The following ASB7 variants were observed in gnomAD, a reference collection of about 807,000 sequenced individuals.
The protein encoded by ASB7 is ankyrin repeat and SOCS box protein 7.
Under a neutral mutation model 32.5 loss-of-function variants are expected in ASB7, and 4 were observed. That is an observed-to-expected ratio of 0.12 (90% confidence interval 0.06 to 0.28). The LOEUF is 0.28. Ranked by LOEUF, ASB7 falls within the 10% of genes least tolerant of loss-of-function variation. The probability of loss-of-function intolerance (pLI) is 1.00; values close to 1 mark genes in which losing one functional copy is unlikely to be tolerated. For missense variants in ASB7, 181 were observed against 407.1 expected, an observed-to-expected ratio of 0.44 and a Z score of 4.78; for synonymous variants, 172 against 155.6, an observed-to-expected ratio of 1.11 and a Z score of -0.78.
At chr15:100,634,431 A>C (rs1202886433) in intron 5 of ASB7, among the ~76,000 whole-genome samples, 2 of 152,258 alleles carry the variant, frequency 1.3e-5, no homozygotes, top group East Asian at 1.9e-4. Context: ...CAGAATGCTT[A>C]AGCACAAATT....
intron 3 of ASB7, among the ~76,000 whole-genome samples, chr15:100,611,895 C>T (rs1042012589): frequency 6.7e-6 from 1 of 148,804 alleles, no homozygotes; most frequent in African/African-American, 2.5e-5. Flanking sequence ...TCATGGCTCA[C>T]TGCCGCTTTG....
At chr15:100,631,533 T>G (rs1363223382) in intron 5 of ASB7, among the ~76,000 whole-genome samples, 1 of 152,182 alleles carries the variant, frequency 6.6e-6, no homozygotes, top group East Asian at 1.9e-4. Flanking sequence ...ACTTCTACAT[T>G]AGAGACTTAG....
rs74402653 is a variant in ASB7, at chr15:100,621,713, G to A, written c.212-7724G>A. Among the ~76,000 whole-genome samples the A allele has an allele frequency of 3.0e-3, 459 of 152,038 alleles. 15 individuals are homozygous for A. The East Asian group carries it at 0.078, about 26-fold the overall frequency. ...ACTTCTAGAATCCAGTAATCCCAAA[G>A]TAAAAACAAGAATGAAATAATAAAC... On this transcript the variant is annotated intron_variant, in intron 4 of 5. Transcript: ENST00000332783.
At chr15:100,615,017 G>A (rs1026403534) in intron 4 of ASB7, among the ~76,000 whole-genome samples, 1 of 152,088 alleles carries the variant, frequency 6.6e-6, no homozygotes, top group Non-Finnish European at 1.5e-5. Context: ...CTTTTCTATG[G>A]TTAGGTACAC....
intron 5 of ASB7, among the ~76,000 whole-genome samples, chr15:100,631,495 T>C (rs1264260805): frequency 6.6e-6 from 1 of 152,158 alleles, no homozygotes; most frequent in African/African-American, 2.4e-5. Context: ...AGTGCTGCAG[T>C]CCTGCTTGCC....
At chr15:100,630,135 A>G (rs1415277516) in intron 5 of ASB7, 93 bp downstream of exon 5, 2 of 1,416,832 alleles carry the variant, frequency 1.4e-6, no homozygotes, top group Non-Finnish European at 1.8e-6. Flanking sequence ...ATGACTAGAT[A>G]TTAATCATTC....
At position 100,648,414 on chromosome 15, in the gene ASB7, T is replaced by C; in HGVS notation, c.909T>C (p.Ile303=). 6.2e-7 allele frequency: 1 copy of C among 1,610,140 alleles called. No homozygotes were observed. The highest frequency in any genetic ancestry group is 2.2e-5 in the East Asian group (1 of 44,842). Residue 303 remains isoleucine (I), a synonymous_variant, in exon 6 of 6, where the codon ATT becomes ATC. Transcript: ENST00000332783. Reference sequence around the variant, plus strand: ...TAAAGCTACTTGATGAACTACCAATTGCCAAGGTCATGAAAGACTACTTAA... The same window carrying C: ...TAAAGCTACTTGATGAACTACCAATCGCCAAGGTCATGAAAGACTACTTAA... ...QNLKLLDELP[I]AKVMKDYLKH... is the part of the protein sequence containing the mutation.
intron 5 of ASB7, among the ~76,000 whole-genome samples, chr15:100,642,295 CA>C (rs773318600): frequency 1.3e-5 from 2 of 152,306 alleles, no homozygotes; most frequent in South Asian, 2.1e-4. Flanking sequence ...TGCCCTCTTG[CA>C]TCTTATCATA....
At position 100,642,727 on chromosome 15, in the gene ASB7, C is replaced by T. The variant is rs150335646; in HGVS notation, c.818-5596C>T. Among the ~76,000 whole-genome samples, 916 of 152,356 alleles carry T rather than the reference C, an allele frequency of 6.0e-3. 7 individuals are homozygous for T. Among genetic ancestry groups the T allele is most frequent in the African/African-American group, 0.021 (878 of 41,568 alleles). Reference sequence around the variant, plus strand: ...TTCTGGAGCAATTTGACTGGGGCCTCTCTGCTTTGAAAATGGCTCACTCTT... The same window carrying T: ...TTCTGGAGCAATTTGACTGGGGCCTTTCTGCTTTGAAAATGGCTCACTCTT... On this transcript the variant is annotated intron_variant, in intron 5 of 5. Coordinates refer to ENST00000332783, the MANE Select transcript of ASB7 (RefSeq NM_198243.3).
chr15:100,610,903 C>T (rs962937170), intron 3 of ASB7, among the ~76,000 whole-genome samples: 4 of 152,192 alleles, frequency 2.6e-5, no homozygotes, highest in Non-Finnish European at 5.9e-5. Context: ...GAGTGGCTTT[C>T]TGGAAGCTTG....
chr15:100,645,763 A>C lies in ASB7; in HGVS notation c.818-2560A>C, dbSNP rs150102798. The C allele has an allele frequency of 1.3e-4, 200 of 1,583,374 alleles. 1 individual carries two copies. The African/African-American group carries it at 2.3e-3, about 18-fold the overall frequency. Reference sequence around the variant, plus strand: ...ATGCTAAACATTTACAAAGTGGAGAATAGGAAATACAATTAAACACTTTAT... The same window carrying C: ...ATGCTAAACATTTACAAAGTGGAGACTAGGAAATACAATTAAACACTTTAT... On this transcript the variant is annotated intron_variant, in intron 5 of 5. Transcript: ENST00000332783.
At chr15:100,621,274 A>T (rs1687739734) in intron 4 of ASB7, among the ~76,000 whole-genome samples, 1 of 152,218 alleles carries the variant, frequency 6.6e-6, no homozygotes, top group African/African-American at 2.4e-5. Context: ...TCAGTCTTAA[A>T]AGCAGGAAAT....
chr15:100,613,346 G>A (rs1055796842), intron 4 of ASB7, among the ~76,000 whole-genome samples: 5 of 152,248 alleles, frequency 3.3e-5, no homozygotes, highest in African/African-American at 1.2e-4. Context: ...TGAGGGTCAT[G>A]TGAATAATGT....
At chr15:100,621,517 C>T (rs1052980513) in intron 4 of ASB7, among the ~76,000 whole-genome samples, 4 of 152,066 alleles carry the variant, frequency 2.6e-5, no homozygotes, top group African/African-American at 9.7e-5. Context: ...ATTCTTTTAC[C>T]TTTGAGTACT....
chr15:100,635,072 G>C (rs956131579), intron 5 of ASB7, among the ~76,000 whole-genome samples: 1 of 152,120 alleles, frequency 6.6e-6, no homozygotes, highest in African/African-American at 2.4e-5. Flanking sequence ...AGGTTCAAAA[G>C]GCAAAGCAGA....
chr15:100,612,499 T>C (rs1348182486), intron 4 of ASB7, 72 bp downstream of exon 4: 5 of 1,377,254 alleles, frequency 3.6e-6, no homozygotes, highest in Non-Finnish European at 5.2e-6. Flanking sequence ...AATGTGTCTA[T>C]TTGTAATTTT....
intron 5 of ASB7, among the ~76,000 whole-genome samples, chr15:100,639,551 C>A (rs2039947312): frequency 6.6e-6 from 1 of 152,150 alleles, no homozygotes; most frequent in East Asian, 1.9e-4. Flanking sequence ...GTGCCTTCCC[C>A]TCTGTGTTCC....
intron 4 of ASB7, among the ~76,000 whole-genome samples, chr15:100,614,169 G>A (rs535771177): frequency 6.6e-6 from 1 of 151,996 alleles, no homozygotes; most frequent in Admixed American, 6.5e-5. Context: ...AGCTACTTGG[G>A]AGACTGAGGC....
intron 4 of ASB7, among the ~76,000 whole-genome samples, chr15:100,613,999 G>A (rs778945867): frequency 3.3e-5 from 5 of 152,124 alleles, no homozygotes; most frequent in Non-Finnish European, 7.4e-5. Flanking sequence ...ATGACCAAGC[G>A]TGGTAGCTCA....
Sources: allele counts gnomAD v4.1 joint callset (sites outside exome capture counted in the v4.1 genomes callset), GRCh38; gene constraint gnomAD v4.1.1; transcripts MANE v1.5; gene names NCBI Gene and HGNC (gene_info 2026-07-23, HGNC 2026-07-21).